Variants in UTRN observed in about 807,000 individuals in gnomAD.
The protein encoded by UTRN is dystrophin-related protein 1.
UTRN carries 283 observed loss-of-function variants against 463.9 expected under a neutral mutation model. That is an observed-to-expected ratio of 0.61 (90% CI 0.55 to 0.67). UTRN has a LOEUF of 0.67. UTRN is among the 30% of genes least tolerant of loss of function. The probability of loss-of-function intolerance (pLI) is 0.00; values close to 1 mark genes in which losing one functional copy is unlikely to be tolerated. For missense variants in UTRN, 3,922 were observed against 4,084.3 expected (o/e 0.96, Z 1.08); for synonymous variants, 1,442 against 1,431.5 (o/e 1.01, Z -0.17).
At chr6:144,355,801 C>T (rs763537752) in intron 2 of UTRN, among the ~76,000 whole-genome samples, 3 of 151,960 alleles carry the variant, frequency 2.0e-5, no homozygotes, top group South Asian at 2.1e-4. Context: ...TACTATGTTA[C>T]GTTGATCACA....
At chr6:144,492,668 C>G (rs1793181939) in intron 32 of UTRN, among the ~76,000 whole-genome samples, 1 of 152,222 alleles carries the variant, frequency 6.6e-6, no homozygotes, top group Non-Finnish European at 1.5e-5. Flanking sequence ...TCTCTGCAGC[C>G]TTGCCAGCAT....
intron 51 of UTRN, among the ~76,000 whole-genome samples, chr6:144,613,940 C>A (rs77789678): frequency 6.6e-6 from 1 of 152,018 alleles, no homozygotes; most frequent in Non-Finnish European, 1.5e-5. Context: ...TTTATTTTAT[C>A]TTTTCCCATA....
intron 3 of UTRN, among the ~76,000 whole-genome samples, chr6:144,414,738 C>T (rs1784225472): frequency 7.0e-6 from 1 of 142,384 alleles, no homozygotes; most frequent in South Asian, 2.2e-4. Flanking sequence ...TCGTTTGAGA[C>T]AGCGTATCTC....
At chr6:144,612,133 T>C (rs1805592259) in intron 51 of UTRN, among the ~76,000 whole-genome samples, 1 of 152,048 alleles carries the variant, frequency 6.6e-6, no homozygotes, top group South Asian at 2.1e-4. Context: ...AAAGGACAGT[T>C]TCTTCAATGC....
intron 2 of UTRN, among the ~76,000 whole-genome samples, chr6:144,372,289 A>G (rs1482222562): frequency 1.3e-5 from 2 of 152,254 alleles, no homozygotes; most frequent in Non-Finnish European, 2.9e-5. Flanking sequence ...ACTCTGCTCC[A>G]GTTCTTATTA....
chr6:144,785,085 CT>C (rs142251769), intron 61 of UTRN, among the ~76,000 whole-genome samples: 5,243 of 152,316 alleles, frequency 0.034, 286 homozygotes, highest in African/African-American at 0.12. Context: ...GTTATTAACT[CT>C]TTTCAACCAA....
intron 61 of UTRN, among the ~76,000 whole-genome samples, chr6:144,783,060 G>A (rs572877688): frequency 7.0e-4 from 107 of 152,130 alleles, no homozygotes; most frequent in Non-Finnish European, 1.1e-3. Context: ...GCCAGGCATC[G>A]TGGCAGGTGC....
chr6:144,465,468 TGTAA>T (rs200867646), intron 23 of UTRN, among the ~76,000 whole-genome samples: 1 of 152,216 alleles, frequency 6.6e-6, no homozygotes, highest in East Asian at 1.9e-4. Flanking sequence ...TGTCTGGATA[TGTAA>T]GTGTTTGTTG....
At chr6:144,812,053 C>G (rs1778664962) in intron 65 of UTRN, among the ~76,000 whole-genome samples, 2 of 152,084 alleles carry the variant, frequency 1.3e-5, no homozygotes, top group African/African-American at 4.8e-5. Context: ...CTGTTTGGAG[C>G]ATTAAGGAAT....
At position 144,691,501 on chromosome 6, in the gene UTRN, T is replaced by C. The variant is rs574889945; in HGVS notation, c.7653-8586T>C. Among the ~76,000 whole-genome samples the C allele has an allele frequency of 2.0e-5, 3 of 152,206 alleles. No individual in the cohort carries two copies. The East Asian group carries it at 5.8e-4, about 29-fold the overall frequency. ...CTTTTAAACATTTATTCCTTTTTTT[T>C]CCTGAATTTTCACATCTTTCTTCTA... On this transcript the variant is annotated intron_variant, in intron 52 of 74. Transcript: ENST00000367545.
intron 33 of UTRN, among the ~76,000 whole-genome samples, chr6:144,497,130 A>G (rs1793726197): frequency 2.0e-5 from 3 of 152,196 alleles, no homozygotes; most frequent in Admixed American, 1.3e-4. Context: ...TACTCACTGC[A>G]TTTTGGAAGA....
chr6:144,825,827 G>A (rs1029299618), intron 66 of UTRN, among the ~76,000 whole-genome samples: 2 of 152,048 alleles, frequency 1.3e-5, no homozygotes, highest in Non-Finnish European at 2.9e-5. Flanking sequence ...CGTGGAAATA[G>A]TATTGACTAA....
rs1312613903 is a variant in UTRN at position 144,459,245 on chromosome 6, G to A, written c.2598G>A (p.Met866Ile). Residue 866 changes from methionine (M) to isoleucine (I), a missense_variant, in exon 21 of 75, where the codon ATG (methionine) becomes ATA (isoleucine). By Grantham distance (10) the Met-to-Ile change is conservative. Coordinates refer to ENST00000367545, the MANE Select transcript of UTRN (RefSeq NM_007124.3). The stretch of plus-strand genomic sequence containing the variant: ...CTCGTGCAAGCTGCTCGGCCCTGAT[G>A]TCTCAGCCTTCTGCCCCAGATTTTG... Reference protein sequence around the residue: ...EMARASCSALMSQPSAPDFVQ... With the variant: ...EMARASCSALISQPSAPDFVQ... The A allele has an allele frequency of 1.2e-5, 19 of 1,614,014 alleles. No individual in the cohort carries two copies. Among genetic ancestry groups the A allele is most frequent in the Non-Finnish European group, 1.6e-5 (19 of 1,180,006 alleles).
At chr6:144,469,468 GA>G (rs1790286513) in intron 23 of UTRN, among the ~76,000 whole-genome samples, 1 of 152,178 alleles carries the variant, frequency 6.6e-6, no homozygotes, top group South Asian at 2.1e-4. Context: ...AAGGCTCAAA[GA>G]AAAATTAGTT....
chr6:144,513,089 A>G (rs1795314458), intron 35 of UTRN, among the ~76,000 whole-genome samples: 1 of 152,176 alleles, frequency 6.6e-6, no homozygotes. Flanking sequence ...TGTCAAGCAC[A>G]TTTCATGTCC....
intron 51 of UTRN, among the ~76,000 whole-genome samples, chr6:144,637,574 C>T (rs957951608): frequency 6.6e-6 from 1 of 151,678 alleles, no homozygotes; most frequent in African/African-American, 2.4e-5. Context: ...ACCACTGTTT[C>T]TTATACAGCT....
At chr6:144,516,436 T>G in intron 38 of UTRN, 49 bp downstream of exon 38, 1 of 1,557,004 alleles carries the variant, frequency 6.4e-7, no homozygotes, top group Admixed American at 2.0e-5. Flanking sequence ...TTTTCTTCTC[T>G]ATTAATTTCA....
At chr6:144,395,226 A>G (rs1782291953) in intron 2 of UTRN, among the ~76,000 whole-genome samples, 1 of 152,138 alleles carries the variant, frequency 6.6e-6, no homozygotes, top group African/African-American at 2.4e-5. Flanking sequence ...TGTGTCCTAA[A>G]TAATCCCTCC....
At chr6:144,510,504 G>C (rs1032326355) in intron 34 of UTRN, among the ~76,000 whole-genome samples, 7 of 152,180 alleles carry the variant, frequency 4.6e-5, no homozygotes, top group African/African-American at 1.7e-4. Context: ...CACATCGATA[G>C]TTTCCTCTGG....
Sources: gnomAD v4.1 joint callset for allele counts (sites outside exome capture counted in the v4.1 genomes callset) on GRCh38, gnomAD v4.1.1 for gene constraint, MANE v1.5 for transcripts, NCBI Gene and HGNC (gene_info 2026-07-23, HGNC 2026-07-21) for gene names.